The following MICU1 variants were observed in gnomAD, a reference collection of about 807,000 sequenced individuals.
The protein encoded by MICU1 is mitochondrial calcium uptake 1.
A neutral mutation model predicts 56.8 loss-of-function variants in MICU1; 45 were observed. That is an observed-to-expected ratio of 0.79 (90% CI 0.62 to 1.02). MICU1 has a LOEUF of 1.02. MICU1 is among the 50% of genes least tolerant of loss of function. The probability of loss-of-function intolerance (pLI) is 0.00; values close to 1 mark genes in which losing one functional copy is unlikely to be tolerated. For synonymous variants in MICU1, 186 were observed against 195.1 expected (o/e 0.95, Z 0.39); for missense variants, 504 against 587.1 (o/e 0.86, Z 1.46).
Position 72,563,080 on chromosome 10 carries a change from G to A in MICU1, c.162-17C>T. The A allele has an allele frequency of 6.7e-7, 1 of 1,497,178 alleles. No individual in the cohort carries two copies. Among genetic ancestry groups the A allele is most frequent in the Non-Finnish European group, 8.9e-7 (1 of 1,123,554 alleles). 92.7% of individuals were successfully genotyped at this position (1,497,178 alleles called of 1,614,324 possible). On this transcript the variant is annotated splice_polypyrimidine_tract_variant and intron_variant, in intron 2 of 11. Transcript: ENST00000361114. Reference sequence around the variant, plus strand: ...GCATGGGCCCTGGATATGCAAAAAAGAAATCTAGATTAATCTTGAACGTCC... The same window carrying A: ...GCATGGGCCCTGGATATGCAAAAAAAAAATCTAGATTAATCTTGAACGTCC...
intron 10 of MICU1, among the ~76,000 whole-genome samples, chr10:72,391,649 C>T (rs905050142): frequency 4.6e-5 from 7 of 151,618 alleles, no homozygotes; most frequent in Admixed American, 2.0e-4. Flanking sequence ...GGTCCACTTA[C>T]GTGCAGATTT....
chr10:72,438,762 C>T lies in MICU1; in HGVS notation c.934-15391G>A, dbSNP rs186626576. Reference sequence around the variant, plus strand: ...AAATACAAACTACCATCAGAGAATACTATAAACACCTCTACACAAATAAAC... The same window carrying T: ...AAATACAAACTACCATCAGAGAATATTATAAACACCTCTACACAAATAAAC... On this transcript the variant is annotated intron_variant, in intron 8 of 11. Coordinates refer to ENST00000361114, the MANE Select transcript of MICU1 (RefSeq NM_001195518.2). 2.9e-3 allele frequency among the ~76,000 whole-genome samples: 437 copies of T among 152,256 alleles called. 3 individuals carry two copies. Among genetic ancestry groups the T allele is most frequent in the African/African-American group, 9.8e-3 (408 of 41,550 alleles).
chr10:72,422,507 T>C (rs921101820), intron 9 of MICU1, among the ~76,000 whole-genome samples: 2 of 152,178 alleles, frequency 1.3e-5, no homozygotes, highest in Non-Finnish European at 2.9e-5. Context: ...GCTTCTGTAC[T>C]TTTCATCGAA....
At chr10:72,602,848 C>T (rs1228684463) in intron 1 of MICU1, among the ~76,000 whole-genome samples, 1 of 152,268 alleles carries the variant, frequency 6.6e-6, no homozygotes, top group Admixed American at 6.5e-5. Flanking sequence ...TGGCTCACAC[C>T]TGTAATCCCA....
chr10:72,514,225 T>C (rs1039724582), intron 5 of MICU1, among the ~76,000 whole-genome samples: 1 of 152,176 alleles, frequency 6.6e-6, no homozygotes, highest in Non-Finnish European at 1.5e-5. Flanking sequence ...CTATTGAAAT[T>C]TTCTGTTAGT....
intron 8 of MICU1, among the ~76,000 whole-genome samples, chr10:72,441,266 G>A (rs1222507253): frequency 6.6e-6 from 1 of 151,982 alleles, no homozygotes. Flanking sequence ...GGATGAAGCT[G>A]GAAACCATCA....
intron 10 of MICU1, among the ~76,000 whole-genome samples, chr10:72,388,372 A>G (rs4623817): frequency 0.58 from 88,498 of 152,050 alleles, 26,579 homozygotes; most frequent in Middle Eastern, 0.66. Context: ...TTATTTAAAT[A>G]ACTTCAGGCT....
chr10:72,381,759 G>A (rs1171716306), intron 10 of MICU1, among the ~76,000 whole-genome samples: 2 of 152,018 alleles, frequency 1.3e-5, no homozygotes, highest in Non-Finnish European at 2.9e-5. Context: ...GGGCTTACAC[G>A]CTTAATTTGG....
chr10:72,456,550 A>G lies in MICU1; in HGVS notation c.933+18550T>C, dbSNP rs186273853. Among the ~76,000 whole-genome samples, 85 of 152,342 alleles carry G rather than the reference A, an allele frequency of 5.6e-4. No individual in the cohort carries two copies. The East Asian group carries it at 0.014, about 26-fold the overall frequency. Reference sequence around the variant, plus strand: ...ATGTGAGTGAGCTTAGAAGAGGCCTAGTCAAGCTTTTAGACGACTAAAATC... The same window carrying G: ...ATGTGAGTGAGCTTAGAAGAGGCCTGGTCAAGCTTTTAGACGACTAAAATC... On this transcript the variant is annotated intron_variant, in intron 8 of 11. Coordinates refer to ENST00000361114, the MANE Select transcript of MICU1 (RefSeq NM_001195518.2).
chr10:72,413,059 T>G (rs1478974803), intron 9 of MICU1, among the ~76,000 whole-genome samples: 1 of 151,832 alleles, frequency 6.6e-6, no homozygotes, highest in Non-Finnish European at 1.5e-5. Flanking sequence ...TAGCCAGGCA[T>G]GGTGGCATGT....
At chr10:72,400,823 G>GCAGTAAAAC (rs1466404711) in intron 10 of MICU1, among the ~76,000 whole-genome samples, 5 of 151,742 alleles carry the variant, frequency 3.3e-5, no homozygotes, top group Non-Finnish European at 7.4e-5. Context: ...TTGTGAAAGA[G>GCAGTAAAAC]CAGTAAAACC....
intron 4 of MICU1, among the ~76,000 whole-genome samples, chr10:72,548,089 G>A (rs937639293): frequency 4.9e-4 from 74 of 152,194 alleles, no homozygotes; most frequent in African/African-American, 1.7e-3. Context: ...GTTCCTACAG[G>A]TGTCCCATGC....
intron 10 of MICU1, among the ~76,000 whole-genome samples, chr10:72,390,497 T>C (rs550705738): frequency 6.2e-4 from 94 of 152,320 alleles, no homozygotes; most frequent in African/African-American, 2.2e-3. Flanking sequence ...CTTTTTTTTT[T>C]CTTTTTAAAT....
intron 5 of MICU1, among the ~76,000 whole-genome samples, chr10:72,532,469 C>T (rs1839514251): frequency 6.6e-6 from 1 of 152,060 alleles, no homozygotes; most frequent in African/African-American, 2.4e-5. Flanking sequence ...TGTGCCAGGC[C>T]CATGCTGGAC....
At chr10:72,563,382 A>G (rs1840347611) in intron 2 of MICU1, among the ~76,000 whole-genome samples, 1 of 152,198 alleles carries the variant, frequency 6.6e-6, no homozygotes, top group Non-Finnish European at 1.5e-5. Context: ...ATAATGGAAT[A>G]TTTTTCAGCT....
Position 72,477,262 on chromosome 10 carries a change from G to T in MICU1, c.653-6C>A. 6.5e-7 allele frequency: 1 copy of T among 1,532,488 alleles called. No individual in the cohort carries two copies. Among genetic ancestry groups the T allele is most frequent in the South Asian group, 1.2e-5 (1 of 80,052 alleles). 94.9% of individuals were successfully genotyped at this position (1,532,488 alleles called of 1,614,324 possible). A position where few individuals can be genotyped will look rare whatever the true frequency, so the allele number is the denominator to read the frequency against. ...TTCAAAATTTCTCTGAGGAGCTGCA[G>T]AGGAGAGAAAAAAAATATTTAGAAG... On this transcript the variant is annotated splice_region_variant and splice_polypyrimidine_tract_variant and intron_variant, in intron 6 of 11. Coordinates refer to ENST00000361114, the MANE Select transcript of MICU1 (RefSeq NM_001195518.2).
intron 1 of MICU1, among the ~76,000 whole-genome samples, chr10:72,618,641 G>C (rs1466517247): frequency 6.6e-6 from 1 of 152,024 alleles, no homozygotes; most frequent in Non-Finnish European, 1.5e-5. Context: ...AATTTTAATA[G>C]AAAAAGCACA....
chr10:72,576,573 A>G (rs557968459), intron 1 of MICU1, among the ~76,000 whole-genome samples: 1 of 152,240 alleles, frequency 6.6e-6, no homozygotes, highest in Admixed American at 6.5e-5. Context: ...GCACAGGTTT[A>G]TGAGGTATAA....
chr10:72,534,212 A>T (rs939579244), intron 4 of MICU1, among the ~76,000 whole-genome samples: 4 of 151,924 alleles, frequency 2.6e-5, no homozygotes, highest in Admixed American at 2.6e-4. Context: ...AAAAAAAAAA[A>T]ACTATTGCAG....
Sources: gnomAD v4.1 joint callset for allele counts (sites outside exome capture counted in the v4.1 genomes callset) on GRCh38, gnomAD v4.1.1 for gene constraint, MANE v1.5 for transcripts, NCBI Gene and HGNC (gene_info 2026-07-23, HGNC 2026-07-21) for gene names.